Variants in TP63 observed in about 807,000 individuals in gnomAD.
TP63 encodes tumor protein p63.
TP63 carries 17 observed loss-of-function variants against 82.8 expected under a neutral mutation model. The observed-to-expected ratio is 0.21, with a 90% CI of 0.14 to 0.31. The LOEUF is 0.31. Among genes scored for constraint, TP63 ranks in the 10% least tolerant of loss-of-function variants. The pLI is 1.00. For missense variants in TP63, 648 were observed against 895.3 expected (o/e 0.72, Z 3.52); for synonymous variants, 330 against 321.7 (o/e 1.03, Z -0.28).
intron 6 of TP63, among the ~76,000 whole-genome samples, chr3:189,867,198 G>C (rs539960921): frequency 6.6e-6 from 1 of 152,210 alleles, no homozygotes; most frequent in Non-Finnish European, 1.5e-5. Context: ...TGAATGAACA[G>C]ATGATAGATT....
At chr3:189,693,581 C>T (rs573466498) in intron 1 of TP63, among the ~76,000 whole-genome samples, 13 of 152,152 alleles carry the variant, frequency 8.5e-5, no homozygotes, top group African/African-American at 2.7e-4. Context: ...AGTTATTGAA[C>T]GGAATTTGGA....
chr3:189,611,171 G>A, the TP63 span, among the ~76,000 whole-genome samples: 1 of 152,104 alleles, frequency 6.6e-6, no homozygotes, highest in Non-Finnish European at 1.5e-5. Context: ...GTCAATTTTT[G>A]CTTTTGTTGG....
the TP63 span, among the ~76,000 whole-genome samples, chr3:189,617,723 A>G: frequency 6.6e-6 from 1 of 152,166 alleles, no homozygotes; most frequent in Non-Finnish European, 1.5e-5. Flanking sequence ...TAGAGGGCAG[A>G]TACAGAGGTT....
intron 3 of TP63, among the ~76,000 whole-genome samples, chr3:189,741,217 A>AACC (rs1553825743): frequency 6.7e-6 from 1 of 149,970 alleles, no homozygotes. Flanking sequence ...AAAAAAAAAA[A>AACC]CCCTGAGATA....
chr3:189,737,711 A>C (rs1339053572), intron 1 of TP63, 29 bp from the exon 2 acceptor site: 1 of 1,610,688 alleles, frequency 6.2e-7, no homozygotes, highest in South Asian at 1.1e-5. Context: ...CAGAAAGTAT[A>C]ATACTAGTTT....
At chr3:189,606,007 C>A in the TP63 span, among the ~76,000 whole-genome samples, 1 of 152,142 alleles carries the variant, frequency 6.6e-6, no homozygotes, top group Non-Finnish European at 1.5e-5. Context: ...AAAGACCATA[C>A]ACAATAGAAA....
At chr3:189,765,537 G>A (rs13086640) in intron 3 of TP63, among the ~76,000 whole-genome samples, 87,009 of 146,188 alleles carry the variant, frequency 0.6, 27,004 homozygotes, top group Middle Eastern at 0.72. Flanking sequence ...CCGGGTTCAC[G>A]CCATTCTGCC....
intron 1 of TP63, among the ~76,000 whole-genome samples, chr3:189,704,691 A>G (rs1718070330): frequency 6.6e-6 from 1 of 152,250 alleles, no homozygotes; most frequent in South Asian, 2.1e-4. Context: ...ATAGGCTCTC[A>G]ATAAATATTC....
In TP63 at chr3:189,774,701, A is replaced by G. The variant is rs1363278377; in HGVS notation, c.325-33571A>G. Among the ~76,000 whole-genome samples, 7 of 152,166 alleles carry G rather than the reference A, an allele frequency of 4.6e-5. No individual in the cohort carries two copies. In the East Asian group the frequency reaches 1.3e-3, roughly 29 times the overall value. On this transcript the variant is annotated intron_variant, in intron 3 of 13. Transcript: ENST00000264731. ...TGTTATCCCTATTTAATAATTGTAA[A>G]AATAGAGTTTCCAATTTTCCCCACT...
Position 189,895,897 on chromosome 3 carries a change from G to A in TP63, c.*1395G>A, listed in dbSNP as rs1721429741. 2 of 226,646 alleles carry A rather than the reference G, an allele frequency of 8.8e-6. No homozygotes were observed. Among genetic ancestry groups the A allele is most frequent in the Admixed American group, 1.1e-4 (2 of 17,568 alleles). The allele number at this position is 226,646 out of a possible 1,614,324, so 14.0% of individuals were successfully genotyped here. ...TTTTAACCGGTAAGAGTTTCAGTTT[G>A]TTGGAAAGTAACTGTGAGAACCCAG... On this transcript the variant is annotated 3_prime_UTR_variant, in exon 14 of 14. Transcript: ENST00000264731.
At chr3:189,892,852 C>T (rs1273090959) in intron 13 of TP63, among the ~76,000 whole-genome samples, 1 of 152,138 alleles carries the variant, frequency 6.6e-6, no homozygotes, top group Non-Finnish European at 1.5e-5. Context: ...ATAAGGTATT[C>T]TTCTGCTACA....
intron 1 of TP63, among the ~76,000 whole-genome samples, chr3:189,652,807 G>C (rs980818153): frequency 3.4e-5 from 5 of 146,602 alleles, no homozygotes; most frequent in Non-Finnish European, 5.9e-5. Context: ...GTTTTCATGA[G>C]ATCTGATGGT....
intron 3 of TP63, among the ~76,000 whole-genome samples, chr3:189,803,126 A>C (rs1726494867): frequency 6.6e-6 from 1 of 152,080 alleles, no homozygotes; most frequent in South Asian, 2.1e-4. Context: ...TGGAGAAACC[A>C]CATCTCTACT....
chr3:189,737,944 A>G, intron 2 of TP63, 76 bp downstream of exon 2: 8 of 1,571,202 alleles, frequency 5.1e-6, no homozygotes, highest in African/African-American at 1.4e-5. Context: ...ATTGCTTACT[A>G]GGGCATGTTT....
At chr3:189,625,835 A>T in the TP63 span, among the ~76,000 whole-genome samples, 1 of 152,180 alleles carries the variant, frequency 6.6e-6, no homozygotes, top group South Asian at 2.1e-4. Flanking sequence ...TCTGGAAAAG[A>T]AGCCCACCCA....
intron 13 of TP63, among the ~76,000 whole-genome samples, chr3:189,893,140 G>A (rs1721188793): frequency 1.3e-5 from 2 of 152,112 alleles, no homozygotes; most frequent in South Asian, 4.1e-4. Context: ...CAAAAATGAG[G>A]TAACAATACA....
chr3:189,693,809 C>T (rs1717132743), intron 1 of TP63, among the ~76,000 whole-genome samples: 1 of 152,106 alleles, frequency 6.6e-6, no homozygotes, highest in African/African-American at 2.4e-5. Flanking sequence ...GCCTGGTGTT[C>T]TCATTTCTAA....
intron 4 of TP63, among the ~76,000 whole-genome samples, chr3:189,819,450 T>C (rs1011581962): frequency 1.6e-4 from 24 of 151,780 alleles, no homozygotes; most frequent in African/African-American, 4.8e-4. Context: ...CCCCCTTCCC[T>C]CACCCCACAA....
intron 3 of TP63, among the ~76,000 whole-genome samples, chr3:189,800,659 C>T (rs544251855): frequency 1.3e-5 from 2 of 152,142 alleles, no homozygotes; most frequent in East Asian, 3.9e-4. Context: ...GCTCTTCTCA[C>T]TACCTTGGGC....
Sources: gnomAD v4.1 joint callset for allele counts (sites outside exome capture counted in the v4.1 genomes callset) on GRCh38, gnomAD v4.1.1 for gene constraint, MANE v1.5 for transcripts, NCBI Gene and HGNC (gene_info 2026-07-23, HGNC 2026-07-21) for gene names.